The following CTNNA3 variants were observed in gnomAD, a reference collection of about 807,000 sequenced individuals.
CTNNA3 encodes catenin alpha 3.
In CTNNA3, 76 loss-of-function variants were observed where a neutral mutation model predicts 95.7. The observed-to-expected ratio is 0.79, with a 90% CI of 0.66 to 0.96. CTNNA3 has a LOEUF of 0.96. CTNNA3 is among the 40% of genes least tolerant of loss of function. CTNNA3 has a pLI of 0.00. For missense variants in CTNNA3, 1,191 were observed against 1,089.8 expected, an observed-to-expected ratio of 1.09 and a Z score of -1.31; for synonymous variants, 431 against 374.4, an observed-to-expected ratio of 1.15 and a Z score of -1.74.
At chr10:67,524,395 CA>C (rs200850487) in intron 4 of CTNNA3, among the ~76,000 whole-genome samples, 13 of 70,270 alleles carry the variant, frequency 1.9e-4, no homozygotes, top group Admixed American at 4.7e-4. Flanking sequence ...GACTCTGTCT[CA>C]AAAAAAAAAA....
At position 67,457,499 on chromosome 10, in the gene CTNNA3, A is replaced by G. The variant is rs147504335; in HGVS notation, c.579+64343T>C. Among the ~76,000 whole-genome samples, 1,298 of 152,328 alleles carry G rather than the reference A, an allele frequency of 8.5e-3. 20 individuals are homozygous for G. Among genetic ancestry groups the G allele is most frequent in the African/African-American group, 0.03 (1,235 of 41,564 alleles). On this transcript the variant is annotated intron_variant, in intron 5 of 17. Coordinates refer to ENST00000433211, the MANE Select transcript of CTNNA3 (RefSeq NM_013266.4). ...GCTCTAAGACGCAGTTCTTTCATTC[A>G]TCAAATCAGAATAAAAAATATCCAT...
chr10:66,285,630 C>T (rs1412216650), intron 12 of CTNNA3, among the ~76,000 whole-genome samples: 1 of 151,404 alleles, frequency 6.6e-6, no homozygotes, highest in Middle Eastern at 3.2e-3. Flanking sequence ...CTATGATGAC[C>T]TTTGTTCTTT....
At chr10:67,288,334 T>C (rs1323242752) in intron 5 of CTNNA3, among the ~76,000 whole-genome samples, 2 of 152,210 alleles carry the variant, frequency 1.3e-5, no homozygotes, top group African/African-American at 2.4e-5. Context: ...TCTATCAGTT[T>C]GCTTCAAAAT....
intron 5 of CTNNA3, among the ~76,000 whole-genome samples, chr10:67,457,446 C>A (rs184213614): frequency 6.6e-6 from 1 of 152,252 alleles, no homozygotes. Context: ...TTTAATTAGA[C>A]CTGTGACCAT....
chr10:66,528,504 G>A (rs1235117604), intron 10 of CTNNA3, among the ~76,000 whole-genome samples: 1 of 152,100 alleles, frequency 6.6e-6, no homozygotes, highest in Non-Finnish European at 1.5e-5. Flanking sequence ...CATTTGTACA[G>A]ACGCCTTCTA....
At chr10:66,206,302 A>G (rs7077814) in intron 13 of CTNNA3, among the ~76,000 whole-genome samples, 40,819 of 151,774 alleles carry the variant, frequency 0.27, 5,917 homozygotes, top group African/African-American at 0.35. Context: ...ACTATTGGAC[A>G]TAATTTCAAA....
chr10:67,731,855 T>TTTG (rs1167956453), intron 1 of CTNNA3, among the ~76,000 whole-genome samples: 2 of 149,090 alleles, frequency 1.3e-5, no homozygotes, highest in Admixed American at 6.7e-5. Context: ...ATCATTAGTT[T>TTTG]TTGTTGTTGT....
intron 1 of CTNNA3, among the ~76,000 whole-genome samples, chr10:67,682,705 T>C (rs1259838448): frequency 6.6e-6 from 1 of 152,216 alleles, no homozygotes; most frequent in African/African-American, 2.4e-5. Context: ...TTCCCATTGA[T>C]ACAGCAATTC....
At chr10:66,018,171 G>C (rs954690861) in intron 15 of CTNNA3, among the ~76,000 whole-genome samples, 1 of 104,490 alleles carries the variant, frequency 9.6e-6, no homozygotes, top group African/African-American at 3.6e-5. Flanking sequence ...AGTTCTATAT[G>C]AGGATACAGC....
intron 1 of CTNNA3, among the ~76,000 whole-genome samples, chr10:67,660,930 C>CAA (rs71006158): frequency 0.016 from 1,702 of 104,766 alleles, 18 homozygotes; most frequent in Non-Finnish European, 0.026. Context: ...GACTCCGTCT[C>CAA]AAAAAAAAAA....
chr10:66,239,306 T>A (rs35450439), intron 13 of CTNNA3, among the ~76,000 whole-genome samples: 32,992 of 151,646 alleles, frequency 0.22, 3,674 homozygotes, highest in Admixed American at 0.27. Flanking sequence ...TAAAATATAA[T>A]GTATGCTAGT....
chr10:67,201,118 A>G (rs1863623002), intron 6 of CTNNA3, among the ~76,000 whole-genome samples: 1 of 152,194 alleles, frequency 6.6e-6, no homozygotes, highest in Non-Finnish European at 1.5e-5. Context: ...TCACATGACT[A>G]AGATAGTAAT....
intron 5 of CTNNA3, among the ~76,000 whole-genome samples, chr10:67,347,062 GA>G (rs967797207): frequency 2.1e-5 from 3 of 144,710 alleles, no homozygotes; most frequent in African/African-American, 8.3e-5. Flanking sequence ...AGTAATCCTA[GA>G]ATTTTTTTTT....
At chr10:66,152,500 T>C (rs555954444) in intron 13 of CTNNA3, among the ~76,000 whole-genome samples, 1 of 151,944 alleles carries the variant, frequency 6.6e-6, no homozygotes, top group South Asian at 2.1e-4. Flanking sequence ...ACTTTCACAA[T>C]ATAAAGAAAA....
intron 13 of CTNNA3, among the ~76,000 whole-genome samples, chr10:66,233,809 G>A (rs1163792836): frequency 6.6e-6 from 1 of 152,110 alleles, no homozygotes; most frequent in Non-Finnish European, 1.5e-5. Context: ...CTTCTCCCAG[G>A]TGGAATTGAA....
Position 66,489,602 on chromosome 10 carries a change from GCACA to G in CTNNA3, c.1531+31011_1531+31014del, listed in dbSNP as rs1013242863. Among the ~76,000 whole-genome samples the G allele has an allele frequency of 2.6e-5, 4 of 151,910 alleles. No individual in the cohort carries two copies. The East Asian group carries it at 5.8e-4, about 22-fold the overall frequency. Reference sequence around the variant, plus strand: ...CACTTGTGCATGCACACACACACGTGCACACACACACAAACACACACAGAGCTAA... The same window carrying G: ...CACTTGTGCATGCACACACACACGTGCACACACAAACACACACAGAGCTAA... On this transcript the variant is annotated intron_variant, in intron 11 of 17. Coordinates refer to ENST00000433211, the MANE Select transcript of CTNNA3 (RefSeq NM_013266.4).
intron 7 of CTNNA3, among the ~76,000 whole-genome samples, chr10:66,806,881 G>A (rs1436177516): frequency 2.7e-5 from 4 of 150,718 alleles, no homozygotes; most frequent in African/African-American, 4.9e-5. Context: ...TAGCTTCTTC[G>A]AGTTTATAGA....
intron 5 of CTNNA3, among the ~76,000 whole-genome samples, chr10:67,278,857 C>T (rs113739148): frequency 2.6e-5 from 4 of 152,054 alleles, no homozygotes; most frequent in African/African-American, 7.2e-5. Context: ...AAGTAAGCCA[C>T]GATACACAGG....
intron 9 of CTNNA3, among the ~76,000 whole-genome samples, chr10:66,651,119 G>C (rs966697343): frequency 9.2e-5 from 14 of 152,148 alleles, no homozygotes; most frequent in Non-Finnish European, 2.1e-4. Flanking sequence ...ACAGAGCACT[G>C]ATTGGTACAT....
Sources: gnomAD v4.1 joint callset for allele counts (sites outside exome capture counted in the v4.1 genomes callset) on GRCh38, gnomAD v4.1.1 for gene constraint, MANE v1.5 for transcripts, NCBI Gene and HGNC (gene_info 2026-07-23, HGNC 2026-07-21) for gene names.